SASH1: variants seen among roughly 807,000 people sequenced by gnomAD.
SASH1 encodes SAM and SH3 domain-containing protein 1.
In SASH1, 44 loss-of-function variants were observed where a neutral mutation model predicts 125.2. The ratio of observed to expected loss-of-function variants is 0.35; its 90% CI spans 0.28 to 0.45. The LOEUF is 0.45. Among genes scored for constraint, SASH1 ranks in the 20% least tolerant of loss-of-function variants. SASH1 has a pLI of 1.00. For missense variants in SASH1, 1,426 were observed against 1,614.5 expected, an observed-to-expected ratio of 0.88 and a Z score of 2.00; for synonymous variants, 639 against 649.1, an observed-to-expected ratio of 0.98 and a Z score of 0.24.
chr6:148,400,642 T>TG (rs1033182477), intron 2 of SASH1, among the ~76,000 whole-genome samples: 58 of 152,190 alleles, frequency 3.8e-4, no homozygotes, highest in African/African-American at 1.3e-3. Context: ...TCCCAGCCAC[T>TG]GGGAAGCCTG....
chr6:148,524,363 A>G lies in SASH1; in HGVS notation c.1210-928A>G, dbSNP rs115057132. The G allele has an allele frequency of 3.2e-3, 482 of 152,088 alleles. 5 individuals are homozygous for G. The highest frequency in any genetic ancestry group is 0.011 in the African/African-American group (461 of 41,514). The allele number at this position is 152,088 out of a possible 1,614,324, so 9.4% of individuals were successfully genotyped here. A position where few individuals can be genotyped will look rare whatever the true frequency, so the allele number is the denominator to read the frequency against. The stretch of plus-strand genomic sequence containing the variant: ...CTTTTATTACTGATTTTTAAAAAAG[A>G]TAATTAGCTGTAACATTAATGTGTG... On this transcript the variant is annotated intron_variant, in intron 10 of 19. Transcript: ENST00000367467.
chr6:148,377,536 A>G (rs949598517), intron 1 of SASH1, among the ~76,000 whole-genome samples: 2 of 152,252 alleles, frequency 1.3e-5, no homozygotes, highest in African/African-American at 4.8e-5. Context: ...TCAGCAATAA[A>G]TGTAAATAAT....
intron 2 of SASH1, among the ~76,000 whole-genome samples, chr6:148,415,890 G>A (rs1283167600): frequency 2.0e-5 from 3 of 152,236 alleles, no homozygotes; most frequent in Non-Finnish European, 4.4e-5. Context: ...CTCTTTTAAA[G>A]AGAGAATTAG....
intron 1 of SASH1, among the ~76,000 whole-genome samples, chr6:148,367,542 T>A (rs1404653661): frequency 6.6e-6 from 1 of 152,222 alleles, no homozygotes; most frequent in Non-Finnish European, 1.5e-5. Flanking sequence ...CAGTCAGGAT[T>A]TCCTCAGGAA....
chr6:148,393,139 TG>T (rs1783800909), intron 2 of SASH1, among the ~76,000 whole-genome samples: 1 of 149,322 alleles, frequency 6.7e-6, no homozygotes, highest in Non-Finnish European at 1.5e-5. Context: ...CTCCACCTCC[TG>T]GGTTCAACTG....
intron 2 of SASH1, among the ~76,000 whole-genome samples, chr6:148,392,013 G>A (rs9498035): frequency 0.012 from 1,781 of 152,250 alleles, 38 homozygotes; most frequent in African/African-American, 0.041. Flanking sequence ...AGCCGGGAGC[G>A]GTGGCTCATG....
intron 1 of SASH1, among the ~76,000 whole-genome samples, chr6:148,288,595 C>G (rs1779546401): frequency 6.6e-6 from 1 of 152,104 alleles, no homozygotes; most frequent in South Asian, 2.1e-4. Flanking sequence ...TTCCTGACTT[C>G]AAGAATATGT....
intron 9 of SASH1, among the ~76,000 whole-genome samples, chr6:148,516,586 G>C (rs1419150477): frequency 6.9e-6 from 1 of 144,026 alleles, no homozygotes; most frequent in Non-Finnish European, 1.5e-5. Context: ...TTGTCTGCAT[G>C]ATAATCATCA....
chr6:148,309,084 CAAA>C (rs10652144), intron 1 of SASH1, among the ~76,000 whole-genome samples: 10 of 101,070 alleles, frequency 9.9e-5, no homozygotes, highest in Admixed American at 1.2e-4. Flanking sequence ...ACTCTGTCTC[CAAA>C]AAAAAAAAAA....
At chr6:148,308,586 G>A (rs1780208894) in intron 1 of SASH1, among the ~76,000 whole-genome samples, 1 of 151,086 alleles carries the variant, frequency 6.6e-6, no homozygotes, top group Non-Finnish European at 1.5e-5. Flanking sequence ...AGTAGAGATA[G>A]GGTTTCACCA....
At chr6:148,396,584 T>C (rs1251766531) in intron 2 of SASH1, among the ~76,000 whole-genome samples, 5 of 150,940 alleles carry the variant, frequency 3.3e-5, no homozygotes, top group African/African-American at 9.8e-5. Flanking sequence ...CTTCCAAATA[T>C]AGTTCTGGAT....
At chr6:148,493,451 G>A (rs1015292196) in intron 8 of SASH1, among the ~76,000 whole-genome samples, 5 of 152,168 alleles carry the variant, frequency 3.3e-5, no homozygotes, top group South Asian at 4.2e-4. Flanking sequence ...TGCAAGAGCC[G>A]GAGCTTTTCT....
At chr6:148,425,511 A>G (rs906831615) in intron 2 of SASH1, among the ~76,000 whole-genome samples, 3 of 152,144 alleles carry the variant, frequency 2.0e-5, no homozygotes, top group African/African-American at 7.2e-5. Flanking sequence ...AAACATCTTG[A>G]TCTGGAATGG....
intron 8 of SASH1, 52 bp downstream of exon 8, chr6:148,487,767 G>A (rs745347566): frequency 7.9e-7 from 1 of 1,273,218 alleles, no homozygotes; most frequent in East Asian, 2.4e-5. Context: ...ATAAGGGACA[G>A]TCTTCACCAT....
intron 5 of SASH1, 183 bp downstream of exon 5, chr6:148,468,768 T>G: frequency 1.9e-6 from 1 of 521,924 alleles, no homozygotes; most frequent in South Asian, 3.0e-5. Context: ...ATTGTGATCA[T>G]ATTCTGCATA....
At chr6:148,281,218 A>C (rs1055865479) in intron 1 of SASH1, among the ~76,000 whole-genome samples, 5 of 148,164 alleles carry the variant, frequency 3.4e-5, no homozygotes, top group Middle Eastern at 3.7e-3. Flanking sequence ...ATGTCCTCCC[A>C]AAGTGCTGGG....
At chr6:148,307,024 TTTTCTTTCTTTCTTTCTTTC>T (rs55686327) in intron 1 of SASH1, among the ~76,000 whole-genome samples, 4,596 of 120,690 alleles carry the variant, frequency 0.038, 116 homozygotes, top group African/African-American at 0.054. Context: ...TTTCTCTTTC[TTTTCTTTCTTTCTTTCTTTC>T]TTTCTTTCTT....
At chr6:148,314,583 A>C (rs946722483) in intron 1 of SASH1, among the ~76,000 whole-genome samples, 2 of 152,112 alleles carry the variant, frequency 1.3e-5, no homozygotes, top group African/African-American at 2.4e-5. Context: ...CTACAGCATA[A>C]GTTTCAGTTT....
At chr6:148,486,856 A>AATCTGCAG (rs760641288) in intron 7 of SASH1, among the ~76,000 whole-genome samples, 28 of 145,466 alleles carry the variant, frequency 1.9e-4, no homozygotes, top group Non-Finnish European at 3.7e-4. Context: ...TGGGAGGTCA[A>AATCTGCAG]ATCTGCAGTG....
Sources: allele counts gnomAD v4.1 joint callset (sites outside exome capture counted in the v4.1 genomes callset), GRCh38; gene constraint gnomAD v4.1.1; transcripts MANE v1.5; gene names NCBI Gene and HGNC (gene_info 2026-07-23, HGNC 2026-07-21).